Variants in THSD7A observed in about 807,000 individuals in gnomAD.
The protein encoded by THSD7A is thrombospondin type-1 domain-containing protein 7A.
THSD7A carries 96 observed loss-of-function variants against 231.3 expected under a neutral mutation model. The observed-to-expected ratio is 0.41, with a 90% confidence interval of 0.35 to 0.49. THSD7A has a LOEUF of 0.49. THSD7A is among the 20% of genes least tolerant of loss of function. The pLI is 0.05. For synonymous variants in THSD7A, 940 were observed against 743.3 expected (o/e 1.26, Z -4.30); for missense variants, 2,290 against 2,070.2 (o/e 1.11, Z -2.06).
chr7:11,579,506 C>T (rs987669579), intron 4 of THSD7A, among the ~76,000 whole-genome samples: 3 of 152,150 alleles, frequency 2.0e-5, no homozygotes, highest in Non-Finnish European at 4.4e-5. Context: ...ATACTATAGT[C>T]CCTTGATAGT....
rs781255514 is a variant in THSD7A, at chr7:11,407,379, C to T, written c.3843G>A (p.Val1281=). 1 of 1,613,664 alleles carries T rather than the reference C, an allele frequency of 6.2e-7. No individual in the cohort carries two copies. Among genetic ancestry groups the T allele is most frequent in the South Asian group, 1.1e-5 (1 of 90,950 alleles). ...KNWQMNTSCM[V]ECPVNCQLSD... is the part of the protein sequence containing the mutation. ...AAAGCTGACAGTTCACAGGGCATTC[C>T]ACCATGCAGGACGTGTTCATCTGCC... Residue 1281 remains valine, a synonymous_variant, in exon 20 of 28, where the codon GTG becomes GTA. Transcript: ENST00000423059.
At chr7:11,820,702 G>A in intron 1 of THSD7A, 1 of 937,724 alleles carries the variant, frequency 1.1e-6, no homozygotes, top group South Asian at 1.3e-5. Context: ...ATGTCTCAAA[G>A]CCCGTGGAGC....
At chr7:11,720,737 G>A (rs1311439036) in intron 1 of THSD7A, among the ~76,000 whole-genome samples, 2 of 151,648 alleles carry the variant, frequency 1.3e-5, no homozygotes, top group African/African-American at 4.8e-5. Context: ...TAAGCAAAGT[G>A]GATCCTTCTC....
At chr7:11,445,343 AATACTGCCT>A (rs1784932689) in intron 13 of THSD7A, among the ~76,000 whole-genome samples, 1 of 152,124 alleles carries the variant, frequency 6.6e-6, no homozygotes, top group African/African-American at 2.4e-5. Context: ...AAAATTGCTT[AATACTGCCT>A]ATATTAAGAT....
intron 11 of THSD7A, among the ~76,000 whole-genome samples, chr7:11,449,961 A>G (rs1583764154): frequency 6.6e-6 from 1 of 152,230 alleles, no homozygotes; most frequent in East Asian, 1.9e-4. Flanking sequence ...CACTGTTTGT[A>G]ACTAAAAGAA....
rs753855501 is a variant in THSD7A at position 11,632,799 on chromosome 7, A to C, written c.1022+3331T>G. On this transcript the variant is annotated intron_variant, in intron 2 of 27. Coordinates refer to ENST00000423059, the MANE Select transcript of THSD7A (RefSeq NM_015204.3). This position sits in a 1 kb window ranked among gnomAD's most constrained non-coding sequence, Gnocchi z 4.1. Reference sequence around the variant, plus strand: ...TTTCAACTTCTTCTTGCAGAATATTAGTCTTGTACAATTTCGATGTGTGAA... The same window carrying C: ...TTTCAACTTCTTCTTGCAGAATATTCGTCTTGTACAATTTCGATGTGTGAA... Among the ~76,000 whole-genome samples the C allele has an allele frequency of 5.3e-5, 8 of 152,170 alleles. No homozygotes were observed. Among genetic ancestry groups the C allele is most frequent in the African/African-American group, 9.7e-5 (4 of 41,444 alleles).
At chr7:11,497,706 G>C (rs1787160061) in intron 6 of THSD7A, among the ~76,000 whole-genome samples, 1 of 152,202 alleles carries the variant, frequency 6.6e-6, no homozygotes, top group African/African-American at 2.4e-5. Context: ...AAGAGCTGTG[G>C]CTCTCAGGGA....
chr7:11,782,880 G>C lies in THSD7A; in HGVS notation c.190+48877C>G, dbSNP rs7793568. 4.9e-3 allele frequency among the ~76,000 whole-genome samples: 752 copies of C among 152,150 alleles called. 9 individuals carry two copies. The highest frequency in any genetic ancestry group is 0.017 in the African/African-American group (701 of 41,514). On this transcript the variant is annotated intron_variant, in intron 1 of 27. Coordinates refer to ENST00000423059, the MANE Select transcript of THSD7A (RefSeq NM_015204.3). ...AGTATATACATTTTCTATTTTACTT[G>C]AATCATTGTTGACTGTCTGTTTTAC...
At chr7:11,824,654 TCCAA>T (rs1784973258) in intron 1 of THSD7A, among the ~76,000 whole-genome samples, 3 of 152,132 alleles carry the variant, frequency 2.0e-5, no homozygotes, top group African/African-American at 7.2e-5. Context: ...GACTTTTTGA[TCCAA>T]CCAACCAATA....
chr7:11,537,185 C>T (rs1788948164), intron 6 of THSD7A, among the ~76,000 whole-genome samples: 1 of 152,148 alleles, frequency 6.6e-6, no homozygotes, highest in Admixed American at 6.5e-5. Flanking sequence ...TTTTCCCCTT[C>T]CTCATCTTAT....
chr7:11,645,958 TAG>T (rs961767861), intron 1 of THSD7A, among the ~76,000 whole-genome samples: 5 of 151,930 alleles, frequency 3.3e-5, no homozygotes, highest in African/African-American at 1.2e-4. Flanking sequence ...GCAATTCAGT[TAG>T]AGAGTTTATG....
At chr7:11,485,867 G>T (rs1207182580) in intron 6 of THSD7A, among the ~76,000 whole-genome samples, 1 of 152,078 alleles carries the variant, frequency 6.6e-6, no homozygotes, top group Non-Finnish European at 1.5e-5. Flanking sequence ...GACATGTTTT[G>T]GCTCATAGCC....
intron 23 of THSD7A, among the ~76,000 whole-genome samples, chr7:11,386,521 A>G (rs976226028): frequency 2.0e-5 from 3 of 152,186 alleles, no homozygotes; most frequent in African/African-American, 7.2e-5. Flanking sequence ...TCTTTTGAGA[A>G]GTGCTCATTC....
At chr7:11,614,273 T>G (rs1261495057) in intron 2 of THSD7A, among the ~76,000 whole-genome samples, 1 of 152,166 alleles carries the variant, frequency 6.6e-6, no homozygotes, top group African/African-American at 2.4e-5. Context: ...TCATAAATGG[T>G]GAGCGCTTCC....
intron 1 of THSD7A, among the ~76,000 whole-genome samples, chr7:11,683,868 T>C (rs1455808180): frequency 6.6e-6 from 1 of 151,998 alleles, no homozygotes; most frequent in Non-Finnish European, 1.5e-5. Context: ...CTGTAACTCA[T>C]TGTACAAATC....
At chr7:11,376,696 C>T (rs2285756) in intron 26 of THSD7A, 39 bp from the exon 27 acceptor site, 1 of 1,467,520 alleles carries the variant, frequency 6.8e-7, no homozygotes, top group Non-Finnish European at 9.3e-7. Flanking sequence ...TTACATTAGT[C>T]TGGTATACAT....
At chr7:11,754,704 T>C (rs970435566) in intron 1 of THSD7A, among the ~76,000 whole-genome samples, 33 of 152,252 alleles carry the variant, frequency 2.2e-4, no homozygotes, top group Non-Finnish European at 3.4e-4. Flanking sequence ...ATTTCAATTG[T>C]AATGGCCATA....
chr7:11,443,416 A>T (rs1213910076), intron 13 of THSD7A, among the ~76,000 whole-genome samples: 1 of 152,054 alleles, frequency 6.6e-6, no homozygotes, highest in Non-Finnish European at 1.5e-5. Flanking sequence ...TAGAGAATAA[A>T]ATATTCAATT....
At chr7:11,800,373 A>G (rs1784241804) in intron 1 of THSD7A, among the ~76,000 whole-genome samples, 1 of 152,106 alleles carries the variant, frequency 6.6e-6, no homozygotes, top group African/African-American at 2.4e-5. Context: ...ACATGGTGAA[A>G]CCCTGTCTCC....
Sources: allele counts gnomAD v4.1 joint callset (sites outside exome capture counted in the v4.1 genomes callset), GRCh38; gene constraint gnomAD v4.1.1; non-coding constraint Gnocchi (gnomAD v3.1); transcripts MANE v1.5; gene names NCBI Gene and HGNC (gene_info 2026-07-23, HGNC 2026-07-21).